The following PLPPR3 variants were observed in gnomAD, a reference collection of about 807,000 sequenced individuals.
The protein encoded by PLPPR3 is phospholipid phosphatase-related protein type 3.
PLPPR3 carries 14 observed loss-of-function variants against 27.3 expected under a neutral mutation model. That is an observed-to-expected ratio of 0.51 (90% CI 0.34 to 0.80). PLPPR3 has a LOEUF of 0.80. PLPPR3 is among the 30% of genes least tolerant of loss of function. The pLI, the probability that PLPPR3 is intolerant of heterozygous loss-of-function variation, is 0.01. For synonymous variants in PLPPR3, 671 were observed against 508.0 expected (o/e 1.32, Z -4.32); for missense variants, 1,287 against 1,056.9 (o/e 1.22, Z -3.02).
Position 812,951 on chromosome 19 carries a change from C to T in PLPPR3, c.1776G>A (p.Val592=). The part of the protein sequence containing the change: ...TIDAHAPHHP[V]VHLSAGGAPW... ...GCGCGCCGCCGGCCGACAGGTGCAC[C>T]ACGGGGTGGTGCGGCGCGTGCGCGT... The change falls in exon 8 of 8, where the codon GTG becomes GTA. Residue 592 remains valine, a synonymous_variant. Transcript: ENST00000520876. 1 of 1,427,902 alleles carries T rather than the reference C, an allele frequency of 7.0e-7. No homozygotes were observed. Among genetic ancestry groups the T allele is most frequent in the Non-Finnish European group, 9.1e-7 (1 of 1,094,848 alleles). The allele number at this position is 1,427,902 out of a possible 1,614,324, so 88.5% of individuals were successfully genotyped here.
upstream of PLPPR3, among the ~76,000 whole-genome samples, chr19:822,258 G>T (rs1568288613): frequency 6.6e-6 from 1 of 151,662 alleles, no homozygotes; most frequent in South Asian, 2.1e-4. Context: ...GGGTGGCTGC[G>T]GTCGGCCCGG....
intron 5 of PLPPR3, 23 bp from the exon 6 acceptor site, chr19:814,772 G>GCCCCGCCCACCTGGGGAC (rs1568284694): frequency 6.4e-7 from 1 of 1,560,200 alleles, no homozygotes; most frequent in Non-Finnish European, 8.6e-7. Flanking sequence ...TCCAGCGTGA[G>GCCCCGCCCACCTGGGGAC]CCCCGCCCAC....
chr19:815,023 G>T lies in PLPPR3; in HGVS notation c.462C>A (p.Ala154=). 1 of 1,610,886 alleles carries T rather than the reference G, an allele frequency of 6.2e-7. No individual in the cohort carries two copies. The highest frequency in any genetic ancestry group is 8.5e-7 in the Non-Finnish European group (1 of 1,179,936). The change falls in exon 5 of 8, where the codon GCC becomes GCA. Residue 154 remains alanine, a synonymous_variant. Transcript: ENST00000520876. ...TALVTDVIQL[A]TGYHTPFFLT... ...GGAAGAAGGGAGTGTGGTAACCCGT[G>T]GCCAGCTGGATCACGTCCGTCACCA... is the stretch of plus-strand genomic sequence containing the variant.
At chr19:820,990 A>C (rs562488747) in intron 2 of PLPPR3, among the ~76,000 whole-genome samples, 1 of 152,182 alleles carries the variant, frequency 6.6e-6, no homozygotes, top group Non-Finnish European at 1.5e-5. Flanking sequence ...ACTCCTCACT[A>C]TGTGCCTAAC....
At chr19:819,810 G>A (rs933639941) in intron 2 of PLPPR3, among the ~76,000 whole-genome samples, 11 of 151,962 alleles carry the variant, frequency 7.2e-5, no homozygotes, top group African/African-American at 2.2e-4. Flanking sequence ...CACTAGAGCC[G>A]GTTTTCCTGG....
chr19:821,766 C>G, intron 1 of PLPPR3, 149 bp downstream of exon 1: 5 of 258,842 alleles, frequency 1.9e-5, no homozygotes, highest in African/African-American at 2.4e-5. Context: ...CACCCGGGAT[C>G]GGGGGGTCGG....
At chr19:814,858 A>G (rs1488508290) in intron 5 of PLPPR3, 28 bp downstream of exon 5, 1 of 1,600,530 alleles carries the variant, frequency 6.2e-7, no homozygotes, top group South Asian at 1.1e-5. Context: ...GAAGGCTCCC[A>G]GTCAGGGGAG....
chr19:814,381 C>G (rs1337037999), intron 7 of PLPPR3, 53 bp downstream of exon 7: 1 of 1,515,848 alleles, frequency 6.6e-7, no homozygotes, highest in Admixed American at 1.9e-5. Flanking sequence ...CATGCCTCCC[C>G]CCTCAGATCC....
rs1214850808 is a variant in PLPPR3, at chr19:816,310, C to T, written c.76-459G>A. Reference sequence around the variant, plus strand: ...CCATGCAGCCATCCATCTATCCACCCACCCAACTGTCCATCCATCCACCCA... The same window carrying T: ...CCATGCAGCCATCCATCTATCCACCTACCCAACTGTCCATCCATCCACCCA... On this transcript the variant is annotated intron_variant, in intron 2 of 7. Coordinates refer to ENST00000520876, the MANE Select transcript of PLPPR3 (RefSeq NM_001270366.2). Among the ~76,000 whole-genome samples the T allele has an allele frequency of 2.7e-5, 4 of 147,400 alleles. No homozygotes were observed. The East Asian group carries it at 6.1e-4, about 23-fold the overall frequency.
Position 812,521 on chromosome 19 carries a change from GCCGCCCGCGCCCT to G in PLPPR3, c.*36_*48del, listed in dbSNP as rs1415473045. 1.0e-6 allele frequency: 1 copy of G among 987,444 alleles called. No individual in the cohort carries two copies. Among genetic ancestry groups the G allele is most frequent in the African/African-American group, 1.8e-5 (1 of 56,808 alleles). 61.2% of individuals were successfully genotyped at this position (987,444 alleles called of 1,614,324 possible). A position where few individuals can be genotyped will look rare whatever the true frequency, so the allele number is the denominator to read the frequency against. On this transcript the variant is annotated 3_prime_UTR_variant, in exon 8 of 8. Transcript: ENST00000520876. ...TGCCGCTTTATTGAGCATCCGCGCG[GCCGCCCGCGCCCT>G]CGGCCCGCCCCCCGCCCGCCCCCGG... is the stretch of plus-strand genomic sequence containing the variant.
At chr19:823,450 A>ACAAAAAAAAAAAAC (rs1555703875), upstream of PLPPR3, among the ~76,000 whole-genome samples, 1 of 143,838 alleles carries the variant, frequency 7.0e-6, no homozygotes, top group African/African-American at 2.5e-5. Context: ...TCAAAAAAAA[A>ACAAAAAAAAAAAAC]AAAAAAAACA....
rs1226526025 is a variant in PLPPR3 at position 813,787 on chromosome 19, C to T, written c.940G>A (p.Val314Ile). The change falls in exon 8 of 8, where the codon GTT (valine) becomes ATT (isoleucine). Residue 314 changes from valine to isoleucine, a missense_variant. Val to Ile is a conservative substitution (Grantham distance 29). Transcript: ENST00000520876. The surrounding 1 kb of genome is among the most constrained non-coding windows in gnomAD (Gnocchi z 4.1). Reference protein sequence around the residue: ...RALTQRGHDSVYQQNKSVSTD... With the variant: ...RALTQRGHDSIYQQNKSVSTD... Reference sequence around the variant, plus strand: ...CTCACCGACTTATTCTGCTGATAAACCGAGTCGTGGCCCCGCTGCGTCAGG... The same window carrying T: ...CTCACCGACTTATTCTGCTGATAAATCGAGTCGTGGCCCCGCTGCGTCAGG... 6.5e-7 allele frequency: 1 copy of T among 1,526,830 alleles called. No homozygotes were observed. The highest frequency in any genetic ancestry group is 8.7e-7 in the Non-Finnish European group (1 of 1,142,868). The allele number at this position is 1,526,830 out of a possible 1,614,324, so 94.6% of individuals were successfully genotyped here.
Position 812,832 on chromosome 19 carries a change from GC to G in PLPPR3, c.1894del (p.Ala632ProfsTer110), listed in dbSNP as rs1214744656. ...GCCGGGGGACACGCCCGGGGGCTTG[GC>G]CCCGCCGCGGAAGCCGCGCGCCAGG... ...GDLARGFRGG[A>X]KPPGVSPGSS... On this transcript the variant is annotated frameshift_variant, in exon 8 of 8. Transcript: ENST00000520876. LOFTEE classifies it low-confidence loss of function (END_TRUNC). 1.8e-6 allele frequency: 2 copies of G among 1,114,534 alleles called. No individual in the cohort carries two copies. The highest frequency in any genetic ancestry group is 5.3e-5 in the Admixed American group (1 of 19,012). The allele number at this position is 1,114,534 out of a possible 1,614,324, so 69.0% of individuals were successfully genotyped here.
chr19:816,697 AC>A (rs1346784916), intron 2 of PLPPR3, among the ~76,000 whole-genome samples: 2 of 147,690 alleles, frequency 1.4e-5, no homozygotes, highest in Admixed American at 6.8e-5. Context: ...CTATCCACCC[AC>A]CCAACCGTCC....
intron 2 of PLPPR3, among the ~76,000 whole-genome samples, chr19:820,418 C>T (rs2035126704): frequency 6.6e-6 from 1 of 152,198 alleles, no homozygotes; most frequent in Non-Finnish European, 1.5e-5. Flanking sequence ...CTCCTGGCCT[C>T]AAGTGATCCT....
intron 2 of PLPPR3, among the ~76,000 whole-genome samples, chr19:818,342 CA>C (rs1348444663): frequency 2.0e-5 from 3 of 151,918 alleles, no homozygotes; most frequent in African/African-American, 7.3e-5. Context: ...GACATTGTTC[CA>C]CTGCACTCCA....
At chr19:822,984 T>G (rs2035171016), upstream of PLPPR3, among the ~76,000 whole-genome samples, 1 of 151,504 alleles carries the variant, frequency 6.6e-6, no homozygotes. Context: ...TAGGGTGTGG[T>G]GGCTCATGCC....
Position 813,745 on chromosome 19 carries a change from G to T in PLPPR3, c.982C>A (p.Pro328Thr). The change falls in exon 8 of 8, where the codon CCC (proline) becomes ACC (threonine). Residue 328 changes from proline (P) to threonine (T), a missense_variant. By Grantham distance (38) the Pro-to-Thr change is conservative. Coordinates refer to ENST00000520876, the MANE Select transcript of PLPPR3 (RefSeq NM_001270366.2). The surrounding 1 kb of genome is among the most constrained non-coding windows in gnomAD (Gnocchi z 4.1). ...NKSVSTDELG[P>T]PGRLEGAPRP... Reference sequence around the variant, plus strand: ...GGCGCGCCCTCCAGCCGCCCTGGGGGCCCCAGCTCGTCGGTGCTCACCGAC... The same window carrying T: ...GGCGCGCCCTCCAGCCGCCCTGGGGTCCCCAGCTCGTCGGTGCTCACCGAC... 6.6e-7 allele frequency: 1 copy of T among 1,526,204 alleles called. No individual in the cohort carries two copies. 94.5% of individuals were successfully genotyped at this position (1,526,204 alleles called of 1,614,324 possible).
rs1426567215 is a variant in PLPPR3 at position 815,282 on chromosome 19, A to G, written c.307T>C (p.Trp103Arg). 2 of 1,553,710 alleles carry G rather than the reference A, an allele frequency of 1.3e-6. No homozygotes were observed. Among genetic ancestry groups the G allele is most frequent in the Non-Finnish European group, 1.7e-6 (2 of 1,150,860 alleles). ...CCGGCGGGCCCCCCGGCACGGCCCC[A>G]CAGCCGGGACTGCAGACAGTACAAC... ...GMLYCLQSRLWGRAGGPAGAE... is the reference protein window; with the variant it reads ...GMLYCLQSRLRGRAGGPAGAE... The change falls in exon 4 of 8, where the codon TGG becomes CGG. Residue 103 changes from tryptophan to arginine, a missense_variant. Transcript: ENST00000520876.
Sources: gnomAD v4.1 joint callset for allele counts (sites outside exome capture counted in the v4.1 genomes callset) on GRCh38, gnomAD v4.1.1 for gene constraint, Gnocchi (gnomAD v3.1) non-coding constraint, MANE v1.5 for transcripts, NCBI Gene and HGNC (gene_info 2026-07-23, HGNC 2026-07-21) for gene names.